The following CHST9 variants were observed in gnomAD, a reference collection of about 807,000 sequenced individuals.
CHST9 encodes GalNAc-4-sulfotransferase 2.
Under a neutral mutation model 44.4 loss-of-function variants are expected in CHST9, and 41 were observed. The observed-to-expected ratio is 0.92, with a 90% confidence interval of 0.72 to 1.20. The LOEUF (loss-of-function observed/expected upper bound fraction) is 1.20. Among genes scored for constraint, CHST9 ranks in the 50% most tolerant of loss-of-function variants. The probability of loss-of-function intolerance (pLI) is 0.00; values close to 1 mark genes in which losing one functional copy is unlikely to be tolerated. For synonymous variants in CHST9, 171 were observed against 178.4 expected, an observed-to-expected ratio of 0.96 and a Z score of 0.33; for missense variants, 504 against 516.5, an observed-to-expected ratio of 0.98 and a Z score of 0.23.
intron 1 of CHST9, among the ~76,000 whole-genome samples, chr18:27,154,874 G>T (rs1222877222): frequency 6.6e-6 from 1 of 151,930 alleles, no homozygotes; most frequent in East Asian, 1.9e-4. Flanking sequence ...CTTCAGATCA[G>T]GAGTTTGAGA....
At chr18:27,033,165 A>T (rs924928276) in intron 3 of CHST9, among the ~76,000 whole-genome samples, 1 of 152,220 alleles carries the variant, frequency 6.6e-6, no homozygotes, top group African/African-American at 2.4e-5. Flanking sequence ...GCTGTTGGGC[A>T]GTGAGTGTTC....
At chr18:26,959,922 G>A (rs1598595809) in intron 4 of CHST9, among the ~76,000 whole-genome samples, 2 of 151,958 alleles carry the variant, frequency 1.3e-5, no homozygotes, top group East Asian at 3.9e-4. Context: ...CATTGTATGA[G>A]TAAAATGGAT....
chr18:27,123,024 TG>T (rs1292033321), intron 2 of CHST9, among the ~76,000 whole-genome samples: 1 of 152,158 alleles, frequency 6.6e-6, no homozygotes, highest in Admixed American at 6.5e-5. Flanking sequence ...GGTGTTCTTG[TG>T]GTGCCAATTA....
chr18:26,986,413 T>C (rs2056755750), intron 4 of CHST9, among the ~76,000 whole-genome samples: 1 of 151,792 alleles, frequency 6.6e-6, no homozygotes, highest in African/African-American at 2.4e-5. Context: ...AGAAAAGATA[T>C]AAAAAAAGAA....
intron 2 of CHST9, among the ~76,000 whole-genome samples, chr18:27,115,120 T>G (rs769781206): frequency 6.6e-6 from 1 of 152,152 alleles, no homozygotes; most frequent in Non-Finnish European, 1.5e-5. Flanking sequence ...CCACCATGAT[T>G]GTAAGTTTCT....
intron 3 of CHST9, among the ~76,000 whole-genome samples, chr18:27,028,685 C>G (rs957084016): frequency 6.6e-6 from 1 of 151,990 alleles, no homozygotes. Flanking sequence ...GTAGCTGGGA[C>G]TACAGGCGCC....
intron 5 of CHST9, chr18:26,935,313 C>T (rs1434500997): frequency 6.6e-6 from 1 of 152,098 alleles, no homozygotes; most frequent in African/African-American, 2.4e-5. Context: ...TTCTAAGAGT[C>T]ATTTAGTCTC....
chr18:27,008,595 CT>C (rs1474748176), intron 4 of CHST9, among the ~76,000 whole-genome samples: 1 of 152,266 alleles, frequency 6.6e-6, no homozygotes, highest in East Asian at 1.9e-4. Context: ...GCAGATGTTT[CT>C]TTAAGTTGAC....
intron 4 of CHST9, among the ~76,000 whole-genome samples, chr18:26,998,739 C>CAAAAAAAAAAAAAAAAAAAAA (rs11480705): frequency 8.8e-6 from 1 of 114,130 alleles, no homozygotes; most frequent in African/African-American, 3.1e-5. Context: ...ACAACAACAA[C>CAAAAAAAAAAAAAAAAAAAAA]AAAAAAAAAA....
intron 1 of CHST9, among the ~76,000 whole-genome samples, chr18:27,169,689 C>T (rs1301253486): frequency 1.4e-5 from 2 of 145,214 alleles, no homozygotes; most frequent in African/African-American, 2.6e-5. Context: ...TCACTGCAAG[C>T]TCCGCCTCCC....
chr18:27,172,132 T>C (rs1423886027), intron 1 of CHST9, among the ~76,000 whole-genome samples: 1 of 152,168 alleles, frequency 6.6e-6, no homozygotes, highest in Non-Finnish European at 1.5e-5. Context: ...ATTTGTATAT[T>C]CAATAAACTT....
intron 5 of CHST9, among the ~76,000 whole-genome samples, chr18:26,929,501 A>G (rs2055837195): frequency 1.3e-5 from 2 of 152,202 alleles, no homozygotes; most frequent in African/African-American, 4.8e-5. Context: ...CGGGCATATC[A>G]TCTATAACGC....
chr18:27,052,669 G>C (rs1270179301), intron 2 of CHST9, among the ~76,000 whole-genome samples: 1 of 152,062 alleles, frequency 6.6e-6, no homozygotes, highest in African/African-American at 2.4e-5. Flanking sequence ...AATAATTATA[G>C]TCCCAGTTTC....
In CHST9 at chr18:27,153,544, C is replaced by CTGTGTGTG. The variant is rs748908317; in HGVS notation, c.-96-10640_-96-10639insCACACACA. 2.5e-3 allele frequency among the ~76,000 whole-genome samples: 241 copies of CTGTGTGTG among 95,504 alleles called. 1 individual carries two copies. The highest frequency in any genetic ancestry group is 8.1e-3 in the South Asian group (16 of 1,964). The allele number at this position is 95,504 out of a possible 152,430, so 62.7% of individuals were successfully genotyped here. Reference sequence around the variant, plus strand: ...TCTGTCTTTCTCTCTCTCTCTCTCTCTCTGTGTGTGTGTGTGTGTGTGTAT... The same window carrying CTGTGTGTG: ...TCTGTCTTTCTCTCTCTCTCTCTCTCTGTGTGTGTCTGTGTGTGTGTGTGTGTGTGTAT... On this transcript the variant is annotated intron_variant, in intron 1 of 5. Transcript: ENST00000618847.
At chr18:27,057,021 A>G (rs938985629) in intron 2 of CHST9, among the ~76,000 whole-genome samples, 7 of 152,186 alleles carry the variant, frequency 4.6e-5, no homozygotes, top group African/African-American at 1.7e-4. Context: ...TTAAATTCCT[A>G]TTCACATTTT....
chr18:27,138,183 G>A (rs143328249), intron 2 of CHST9, among the ~76,000 whole-genome samples: 20 of 152,250 alleles, frequency 1.3e-4, no homozygotes, highest in East Asian at 1.9e-4. Context: ...CTGGACTCAG[G>A]ACCATTTTCT....
At chr18:27,082,849 G>C (rs539437647) in intron 2 of CHST9, among the ~76,000 whole-genome samples, 2 of 152,276 alleles carry the variant, frequency 1.3e-5, no homozygotes, top group East Asian at 3.9e-4. Context: ...TGCTTACTTG[G>C]TGTGCTACGT....
In CHST9 at chr18:27,184,070, TA is replaced by T. The variant is rs1303634196; in HGVS notation, c.-97+1065del. ...ATTCTGAGGTTAAAGCGAAGAAAAA[TA>T]AACATTGGTAATACTCTCAATTATC... On this transcript the variant is annotated intron_variant, in intron 1 of 5. Coordinates refer to ENST00000618847, the MANE Select transcript of CHST9 (RefSeq NM_031422.6). Among the ~76,000 whole-genome samples the T allele has an allele frequency of 2.0e-5, 3 of 152,004 alleles. No individual in the cohort carries two copies. The East Asian group carries it at 5.8e-4, about 29-fold the overall frequency.
intron 2 of CHST9, among the ~76,000 whole-genome samples, chr18:27,141,894 AT>A (rs1229769814): frequency 1.3e-5 from 2 of 152,146 alleles, no homozygotes; most frequent in African/African-American, 2.4e-5. Flanking sequence ...GTATGTATAC[AT>A]TTCTATGATA....
Sources: gnomAD v4.1 joint callset for allele counts (sites outside exome capture counted in the v4.1 genomes callset) on GRCh38, gnomAD v4.1.1 for gene constraint, MANE v1.5 for transcripts, NCBI Gene and HGNC (gene_info 2026-07-23, HGNC 2026-07-21) for gene names.